The following CAPN11 variants were observed in gnomAD, a reference collection of about 807,000 sequenced individuals.
The protein encoded by CAPN11 is calpain-11.
CAPN11 carries 108 observed loss-of-function variants against 105.3 expected under a neutral mutation model. The observed-to-expected ratio is 1.03, with a 90% confidence interval of 0.88 to 1.20. The LOEUF is 1.20. Ranked by LOEUF, CAPN11 falls within the 50% of genes most tolerant of loss-of-function variation. CAPN11 has a pLI of 0.00. For synonymous variants in CAPN11, 329 were observed against 344.5 expected (o/e 0.96, Z 0.50); for missense variants, 883 against 924.8 (o/e 0.95, Z 0.59).
At position 44,172,840 on chromosome 6, in the gene CAPN11, A is replaced by C. The variant is rs369057032; in HGVS notation, c.529-100A>C. 4.4e-5 allele frequency: 59 copies of C among 1,337,058 alleles called. No individual in the cohort carries two copies. In the East Asian group the frequency reaches 7.4e-4, roughly 17 times the overall value. 82.8% of individuals were successfully genotyped at this position (1,337,058 alleles called of 1,614,324 possible). A position where few individuals can be genotyped will look rare whatever the true frequency, so the allele number is the denominator to read the frequency against. On this transcript the variant is annotated intron_variant, in intron 5 of 22. Coordinates refer to ENST00000398776, the MANE Select transcript of CAPN11 (RefSeq NM_007058.4). ...TTCCCTCTCTATTCAGTGATTCTGG[A>C]GAGTGGAGCCTCTGACACTGGCGTG...
rs16871612 is a variant in CAPN11, at chr6:44,177,326, T to C, written c.1322T>C (p.Val441Ala). The change falls in exon 12 of 23, where the codon GTC becomes GCC. Residue 441 changes from valine (V) to alanine (A), a missense_variant. Coordinates refer to ENST00000398776, the MANE Select transcript of CAPN11 (RefSeq NM_007058.4). Reference protein sequence around the residue: ...PEDDAEGNVVVCTCLVALMQK... With the variant: ...PEDDAEGNVVACTCLVALMQK... ...GATGACGCAGAGGGCAATGTTGTGGTCTGCACCTGCCTGGTGGCCCTAATG... is the reference window on the plus strand; with the variant it reads ...GATGACGCAGAGGGCAATGTTGTGGCCTGCACCTGCCTGGTGGCCCTAATG... 0.022 allele frequency: 35,003 copies of C among 1,613,876 alleles called. 3,288 individuals carry two copies. In the East Asian group the frequency reaches 0.35, roughly 16 times the overall value.
At chr6:44,160,742 T>C (rs1768635229) in intron 1 of CAPN11, among the ~76,000 whole-genome samples, 1 of 152,228 alleles carries the variant, frequency 6.6e-6, no homozygotes. Context: ...CCTTTTAACA[T>C]GCAGCAGCCC....
At chr6:44,167,352 G>T (rs1219943501) in intron 2 of CAPN11, among the ~76,000 whole-genome samples, 1 of 151,768 alleles carries the variant, frequency 6.6e-6, no homozygotes, top group African/African-American at 2.4e-5. Flanking sequence ...TACAAAATTA[G>T]CCAGATGTAG....
chr6:44,165,745 A>C (rs1247715493), intron 1 of CAPN11, among the ~76,000 whole-genome samples: 1 of 152,128 alleles, frequency 6.6e-6, no homozygotes, highest in Non-Finnish European at 1.5e-5. Context: ...ATGGGTCTGT[A>C]CTGGGAGTAG....
chr6:44,173,827 A>G (rs950849394), intron 7 of CAPN11, among the ~76,000 whole-genome samples: 6 of 151,506 alleles, frequency 4.0e-5, no homozygotes, highest in African/African-American at 1.5e-4. Flanking sequence ...CAACTGATCC[A>G]CCCACCTCGG....
intron 7 of CAPN11, among the ~76,000 whole-genome samples, chr6:44,175,643 G>A (rs1771851652): frequency 6.6e-6 from 1 of 152,046 alleles, no homozygotes; most frequent in Non-Finnish European, 1.5e-5. Flanking sequence ...CAGGCGTGGT[G>A]GCGGGCGCCT....
At position 44,181,278 on chromosome 6, in the gene CAPN11, T is replaced by A. The variant is rs1773091188; in HGVS notation, c.1896T>A (p.Leu632=). Reference sequence around the variant, plus strand: ...AAGATGGCTCTGGCAAGCTGGGGCTTCTAGAGTTCAAGATCCTGTGGAAAA... The same window carrying A: ...AAGATGGCTCTGGCAAGCTGGGGCTACTAGAGTTCAAGATCCTGTGGAAAA... ...MDKDGSGKLG[L]LEFKILWKKL... Residue 632 remains leucine, a synonymous_variant, in exon 19 of 23, where the codon CTT becomes CTA. Coordinates refer to ENST00000398776, the MANE Select transcript of CAPN11 (RefSeq NM_007058.4). 1 of 1,613,440 alleles carries A rather than the reference T, an allele frequency of 6.2e-7. No individual in the cohort carries two copies. The highest frequency in any genetic ancestry group is 1.3e-5 in the African/African-American group (1 of 74,840).
chr6:44,173,576 T>TG (rs1287642426), intron 7 of CAPN11, among the ~76,000 whole-genome samples, 190 bp downstream of exon 7: 6 of 92,844 alleles, frequency 6.5e-5, no homozygotes, highest in South Asian at 3.0e-4. Flanking sequence ...TTTTGTTTTT[T>TG]TTTGTTTGTT....
chr6:44,170,854 C>T (rs920118983), intron 4 of CAPN11, among the ~76,000 whole-genome samples: 20 of 151,982 alleles, frequency 1.3e-4, no homozygotes, highest in Non-Finnish European at 2.2e-4. Flanking sequence ...AGATCTTTCT[C>T]CCTAAGTCTG....
chr6:44,181,332 T>C lies in CAPN11; in HGVS notation c.1938+12T>C. The C allele has an allele frequency of 4.4e-6, 7 of 1,609,124 alleles. No homozygotes were observed. Among genetic ancestry groups the C allele is most frequent in the Non-Finnish European group, 5.1e-6 (6 of 1,177,310 alleles). ...TCAAGAAATGGATGGTAAAGGGCAC[T>C]AAAGGGGCAGCCTCCAGGGGTGAGG... is the stretch of plus-strand genomic sequence containing the variant. On this transcript the variant is annotated intron_variant, in intron 19 of 22. Coordinates refer to ENST00000398776, the MANE Select transcript of CAPN11 (RefSeq NM_007058.4).
chr6:44,163,396 C>A (rs1255797947), intron 1 of CAPN11, among the ~76,000 whole-genome samples: 1 of 152,196 alleles, frequency 6.6e-6, no homozygotes, highest in Non-Finnish European at 1.5e-5. Context: ...GACGAAGGGG[C>A]CGCACCAAGG....
chr6:44,166,766 C>T lies in CAPN11; in HGVS notation c.25C>T (p.Leu9Phe). 1.3e-6 allele frequency: 2 copies of T among 1,551,958 alleles called. No individual in the cohort carries two copies. Among genetic ancestry groups the T allele is most frequent in the Non-Finnish European group, 1.7e-6 (2 of 1,146,844 alleles). The change falls in exon 2 of 23, where the codon CTT (leucine) becomes TTT (phenylalanine). Residue 9 changes from leucine to phenylalanine, a missense_variant. Coordinates refer to ENST00000398776, the MANE Select transcript of CAPN11 (RefSeq NM_007058.4). ...ACTCTTTCTTATTCTAGGGCCGAGT[C>T]TTCCGGAGTCAGCAGAGAGCCTGGA... MLYSPGPSLPESAESLDGS... is the reference protein window; with the variant it reads MLYSPGPSFPESAESLDGS...
In CAPN11 at chr6:44,183,152, T is replaced by G. The variant is rs370271044; in HGVS notation, c.2051T>G (p.Leu684Arg). ...CTGAACAACAAGGTAATGCAGGTCC[T>G]GGTGGCCAGGTATGCAGATGATGAC... The part of the protein sequence containing the change: ...IKLNNKVMQV[L>R]VARYADDDLI... The change falls in exon 21 of 23, where the codon CTG (leucine) becomes CGG (arginine). Residue 684 changes from leucine to arginine, a missense_variant. By Grantham distance (102) the Leu-to-Arg change is moderately radical (BLOSUM62 -2). Coordinates refer to ENST00000398776, the MANE Select transcript of CAPN11 (RefSeq NM_007058.4). 2 of 1,613,734 alleles carry G rather than the reference T, an allele frequency of 1.2e-6. No homozygotes were observed. The highest frequency in any genetic ancestry group is 1.7e-6 in the Non-Finnish European group (2 of 1,179,684).
intron 7 of CAPN11, among the ~76,000 whole-genome samples, chr6:44,174,515 CAAAAAAA>C (rs66536720): frequency 9.1e-5 from 7 of 77,300 alleles, no homozygotes; most frequent in Admixed American, 7.6e-4. Context: ...TCATCTCTAC[CAAAAAAA>C]AAAAAAAAAA....
chr6:44,173,316 C>G lies in CAPN11; in HGVS notation c.761C>G (p.Pro254Arg). Residue 254 changes from proline to arginine, a missense_variant, in exon 7 of 23, where the codon CCC becomes CGC. Pro to Arg is a moderately radical substitution (Grantham distance 103). Transcript: ENST00000398776. ...GCCCAGAGCTTCCAACTCCAGAGGC[C>G]CCCTCAGAACCTGCTCAGGCTCCTT... is the stretch of plus-strand genomic sequence containing the variant. The part of the protein sequence containing the change: ...GVAQSFQLQR[P>R]PQNLLRLLRK... 6.2e-7 allele frequency: 1 copy of G among 1,613,900 alleles called. No individual in the cohort carries two copies. Among genetic ancestry groups the G allele is most frequent in the Non-Finnish European group, 8.5e-7 (1 of 1,179,862 alleles).
chr6:44,161,027 C>G (rs1049350339), intron 1 of CAPN11, among the ~76,000 whole-genome samples: 1 of 152,042 alleles, frequency 6.6e-6, no homozygotes, highest in Non-Finnish European at 1.5e-5. Flanking sequence ...GAACGTACCC[C>G]TAGGGTTAAG....
At chr6:44,166,204 C>G (rs1378537535) in intron 1 of CAPN11, among the ~76,000 whole-genome samples, 5 of 152,186 alleles carry the variant, frequency 3.3e-5, no homozygotes, top group Non-Finnish European at 5.9e-5. Context: ...AATGAATCAT[C>G]TGTCGATGCC....
Position 44,158,855 on chromosome 6 carries a change from T to C in CAPN11, c.7T>C (p.Tyr3His), listed in dbSNP as rs1337263770. The C allele has an allele frequency of 1.9e-6, 3 of 1,551,216 alleles. No individual in the cohort carries two copies. In the African/African-American group the frequency reaches 4.1e-5, roughly 21 times the overall value. Residue 3 changes from tyrosine to histidine, a missense_variant, in exon 1 of 23, where the codon TAC becomes CAC. Tyr to His is a moderately conservative substitution (Grantham distance 83, BLOSUM62 2). Transcript: ENST00000398776. ...CACCGAGCTAGCCACCAGCATGCTG[T>C]ACTCCCCAGGTAGGCACTCATGGGG... is the stretch of plus-strand genomic sequence containing the variant. ML[Y>H]SPGPSLPESA...
chr6:44,168,653 G>A (rs971874646), intron 2 of CAPN11, among the ~76,000 whole-genome samples: 3 of 151,198 alleles, frequency 2.0e-5, no homozygotes, highest in Non-Finnish European at 4.4e-5. Flanking sequence ...ACAGAGTTTC[G>A]CTCTTGTTGG....
Sources: gnomAD v4.1 joint callset for allele counts (sites outside exome capture counted in the v4.1 genomes callset) on GRCh38, gnomAD v4.1.1 for gene constraint, MANE v1.5 for transcripts, NCBI Gene and HGNC (gene_info 2026-07-23, HGNC 2026-07-21) for gene names.